The following CHODL variants were observed in gnomAD, a reference collection of about 807,000 sequenced individuals.
CHODL encodes the protein transmembrane protein MT75.
CHODL carries 29 observed loss-of-function variants against 34.5 expected under a neutral mutation model. The ratio of observed to expected loss-of-function variants is 0.84; its 90% CI spans 0.63 to 1.15. The LOEUF (loss-of-function observed/expected upper bound fraction) is 1.15, where lower values mean the gene tolerates loss of function less well. CHODL is among the 50% of genes most tolerant of loss of function. The pLI is 0.00. For synonymous variants in CHODL, 125 were observed against 116.1 expected (o/e 1.08, Z -0.49); for missense variants, 332 against 332.5 (o/e 1.00, Z 0.01).
At position 18,093,610 on chromosome 21, in the gene CHODL, ATTAG is replaced by A. The variant is rs571736778; in HGVS notation, c.-45+65642_-45+65645del. ...TGCAAGAAAATAAAGTTAGAGTTTT[ATTAG>A]TTTTCTTTTTGCATGTTTGTTTATG... On this transcript the variant is annotated intron_variant, in intron 2 of 6. Coordinates refer to the CHODL transcript ENST00000400127. 9.2e-5 allele frequency among the ~76,000 whole-genome samples: 14 copies of A among 152,300 alleles called. No individual in the cohort carries two copies. The East Asian group carries it at 2.7e-3, about 29-fold the overall frequency.
At chr21:18,196,538 G>A (rs1457304713) in intron 2 of CHODL, among the ~76,000 whole-genome samples, 2 of 152,030 alleles carry the variant, frequency 1.3e-5, no homozygotes, top group African/African-American at 2.4e-5. Context: ...GCGGGGAGGC[G>A]GAGGAAAAGC....
chr21:18,178,088 G>A (rs990171134), intron 2 of CHODL, among the ~76,000 whole-genome samples: 1 of 152,084 alleles, frequency 6.6e-6, no homozygotes, highest in African/African-American at 2.4e-5. Context: ...AATTAGCTTA[G>A]AGGTCTCCTA....
intron 2 of CHODL, among the ~76,000 whole-genome samples, chr21:18,135,117 ATCTC>A (rs1555875095): frequency 6.6e-6 from 1 of 152,210 alleles, no homozygotes; most frequent in Non-Finnish European, 1.5e-5. Flanking sequence ...GGCACTCTCT[ATCTC>A]TCTTTCTCCT....
chr21:18,234,741 C>T (rs186884008), intron 2 of CHODL, among the ~76,000 whole-genome samples: 13 of 152,042 alleles, frequency 8.6e-5, no homozygotes, highest in African/African-American at 2.4e-4. Context: ...GAAGGCTCTG[C>T]GAAGAAACTT....
At chr21:18,162,573 T>C (rs2073109219) in intron 2 of CHODL, among the ~76,000 whole-genome samples, 1 of 152,170 alleles carries the variant, frequency 6.6e-6, no homozygotes, top group Non-Finnish European at 1.5e-5. Flanking sequence ...TATTACTTAA[T>C]TACATCTGCA....
At position 18,256,651 on chromosome 21, in the gene CHODL, A is replaced by G. The variant is rs142557853; in HGVS notation, c.222A>G (p.Glu74=). The G allele has an allele frequency of 5.6e-6, 9 of 1,613,950 alleles. No individual in the cohort carries two copies. The highest frequency in any genetic ancestry group is 5.9e-6 in the Non-Finnish European group (7 of 1,180,006). ...GAGTCCTCCTCAGCCTTGAGAATGA[A>G]GCAGAACAGAAGTTAATAGAGAGCA... ...EGGVLLSLEN[E]AEQKLIESML... is the part of the protein sequence containing the mutation. The change falls in exon 2 of 6, where the codon GAA becomes GAG. Residue 74 remains glutamate, a synonymous_variant. Coordinates refer to ENST00000299295, the MANE Select transcript of CHODL (RefSeq NM_024944.3).
At chr21:18,100,222 C>A (rs974155568) in intron 2 of CHODL, among the ~76,000 whole-genome samples, 7 of 152,034 alleles carry the variant, frequency 4.6e-5, no homozygotes, top group African/African-American at 1.7e-4. Context: ...AACCTACTGA[C>A]AAACTGTGGA....
intron 2 of CHODL, among the ~76,000 whole-genome samples, chr21:18,159,679 T>C (rs909066660): frequency 3.3e-5 from 5 of 152,216 alleles, no homozygotes; most frequent in Non-Finnish European, 7.3e-5. Flanking sequence ...CAAAGGGGCT[T>C]TGCAGGTGTG....
chr21:18,143,172 G>A lies in CHODL; in HGVS notation c.-44-113337G>A, dbSNP rs185922263. Among the ~76,000 whole-genome samples the A allele has an allele frequency of 6.5e-4, 99 of 152,262 alleles. 1 individual carries two copies. In the East Asian group the frequency reaches 0.011, roughly 17 times the overall value. On this transcript the variant is annotated intron_variant, in intron 2 of 6. Transcript: ENST00000400127. ...TGATAGTTACATAAATATAATATTT[G>A]TCAAGGCACGAAGTGCTAGGAGCAT...
chr21:17,991,291 A>G (rs1372970311), intron 1 of CHODL, among the ~76,000 whole-genome samples: 1 of 152,050 alleles, frequency 6.6e-6, no homozygotes. Context: ...TCTTTGATAT[A>G]CTGATTTCCT....
chr21:18,166,161 C>T (rs1383336965), intron 2 of CHODL, among the ~76,000 whole-genome samples: 2 of 152,164 alleles, frequency 1.3e-5, no homozygotes, highest in East Asian at 3.9e-4. Context: ...GGGCTGAGGA[C>T]CCTGTTCTCT....
intron 2 of CHODL, among the ~76,000 whole-genome samples, chr21:18,068,842 T>G (rs1212341539): frequency 6.6e-6 from 1 of 152,012 alleles, no homozygotes; most frequent in Non-Finnish European, 1.5e-5. Flanking sequence ...AACTGAAGGA[T>G]CTGAGGTTTT....
In CHODL at chr21:18,152,552, C is replaced by T. The variant is rs1022644372; in HGVS notation, c.-44-103957C>T. 4.6e-5 allele frequency among the ~76,000 whole-genome samples: 7 copies of T among 152,196 alleles called. No homozygotes were observed. The East Asian group carries it at 1.3e-3, about 29-fold the overall frequency. ...TTGTAAAACAGAAGTCTTTAGTCTT[C>T]CTGGCTACAGGCCAGGAGTTGTTCT... On this transcript the variant is annotated intron_variant, in intron 2 of 6. Coordinates refer to the CHODL transcript ENST00000400127.
At chr21:18,003,002 A>T (rs2063922722) in intron 1 of CHODL, among the ~76,000 whole-genome samples, 1 of 152,036 alleles carries the variant, frequency 6.6e-6, no homozygotes, top group Admixed American at 6.5e-5. Context: ...GGGCGCCTGT[A>T]GTCCCAGCTA....
chr21:17,978,770 A>T (rs1340889942), intron 1 of CHODL, among the ~76,000 whole-genome samples: 2 of 151,990 alleles, frequency 1.3e-5, no homozygotes, highest in Admixed American at 1.3e-4. Flanking sequence ...AAAAGATGTC[A>T]ACCTCTGGAC....
chr21:18,197,548 G>A (rs564232270), intron 2 of CHODL, among the ~76,000 whole-genome samples: 5 of 152,178 alleles, frequency 3.3e-5, no homozygotes, highest in African/African-American at 7.2e-5. Context: ...CCCGGGATGC[G>A]GAGGTTGCGG....
At chr21:18,024,746 T>C (rs1018955132) in intron 1 of CHODL, 4 of 152,172 alleles carry the variant, frequency 2.6e-5, no homozygotes, top group Non-Finnish European at 5.9e-5. Context: ...TTGAGTATCA[T>C]CCTCCTAGAA....
At chr21:18,154,091 A>C (rs1175268674) in intron 2 of CHODL, among the ~76,000 whole-genome samples, 1 of 152,130 alleles carries the variant, frequency 6.6e-6, no homozygotes, top group Non-Finnish European at 1.5e-5. Flanking sequence ...TAGAAAATGT[A>C]ATTTAGCTAT....
intron 1 of CHODL, among the ~76,000 whole-genome samples, chr21:18,013,462 C>T (rs187616203): frequency 1.8e-4 from 28 of 152,086 alleles, no homozygotes; most frequent in South Asian, 1.0e-3. Context: ...CTTGGTCCTT[C>T]CATCTTAGGT....
Sources: allele counts gnomAD v4.1 joint callset (sites outside exome capture counted in the v4.1 genomes callset), GRCh38; gene constraint gnomAD v4.1.1; transcripts MANE v1.5; gene names NCBI Gene and HGNC (gene_info 2026-07-23, HGNC 2026-07-21).